The following PARP1 variants were observed in gnomAD, a reference collection of about 807,000 sequenced individuals.
PARP1 encodes poly [ADP-ribose] polymerase 1.
In PARP1, 44 loss-of-function variants were observed where a neutral mutation model predicts 118.7. The observed-to-expected ratio is 0.37, with a 90% CI of 0.29 to 0.48. The LOEUF is 0.48. Ranked by LOEUF, PARP1 falls within the 20% of genes least tolerant of loss-of-function variation. The probability of loss-of-function intolerance (pLI) is 0.99; values close to 1 mark genes in which losing one functional copy is unlikely to be tolerated. For missense variants in PARP1, 1,100 were observed against 1,272.4 expected, an observed-to-expected ratio of 0.86 and a Z score of 2.06; for synonymous variants, 492 against 483.2, an observed-to-expected ratio of 1.02 and a Z score of -0.24.
At chr1:226,397,153 T>TAA (rs3046773) in intron 2 of PARP1, among the ~76,000 whole-genome samples, 3,175 of 126,064 alleles carry the variant, frequency 0.025, 124 homozygotes, top group African/African-American at 0.082. Flanking sequence ...GTCTCTATCT[T>TAA]AAAAAAAAAA....
At chr1:226,397,043 G>A (rs1576402171) in intron 2 of PARP1, among the ~76,000 whole-genome samples, 1 of 151,540 alleles carries the variant, frequency 6.6e-6, no homozygotes, top group Non-Finnish European at 1.5e-5. Context: ...TATAAACCCT[G>A]TGCTTTGGGA....
chr1:226,370,282 T>C (rs113876287), intron 15 of PARP1, 152 bp downstream of exon 15: 8 of 709,886 alleles, frequency 1.1e-5, no homozygotes, highest in African/African-American at 8.7e-5. Flanking sequence ...TGTCATTTAT[T>C]GAACTGAAAA....
At chr1:226,402,186 T>C (rs1366912073) in intron 2 of PARP1, 28 bp downstream of exon 2, 1 of 1,614,210 alleles carries the variant, frequency 6.2e-7, no homozygotes, top group Non-Finnish European at 8.5e-7. Flanking sequence ...GGGGGCTGAA[T>C]GCCCATGCTG....
chr1:226,385,098 A>C (rs993246207), intron 7 of PARP1, among the ~76,000 whole-genome samples: 1 of 152,160 alleles, frequency 6.6e-6, no homozygotes, highest in Non-Finnish European at 1.5e-5. Context: ...AGATACGTGA[A>C]CCCTGGATCC....
chr1:226,389,802 C>T lies in PARP1; in HGVS notation c.617+608G>A, dbSNP rs3219044. On this transcript the variant is annotated intron_variant, in intron 4 of 22. Coordinates refer to ENST00000366794, the MANE Select transcript of PARP1 (RefSeq NM_001618.4). ...GTGCATACCAGGCTCTGCCACACCA[C>T]CCCTGGTGTGCTTGTTAACAAGCAG... is the stretch of plus-strand genomic sequence containing the variant. Among the ~76,000 whole-genome samples, 1,300 of 152,284 alleles carry T rather than the reference C, an allele frequency of 8.5e-3. 22 individuals carry two copies. The highest frequency in any genetic ancestry group is 0.03 in the African/African-American group (1,259 of 41,522).
At chr1:226,385,420 C>A in intron 7 of PARP1, 84 bp downstream of exon 7, 1 of 1,170,096 alleles carries the variant, frequency 8.5e-7, no homozygotes, top group Non-Finnish European at 1.3e-6. Flanking sequence ...CCTGCAATCT[C>A]AGGGACCTGA....
At chr1:226,374,113 G>T in intron 14 of PARP1, 113 bp downstream of exon 14, 4 of 1,240,204 alleles carry the variant, frequency 3.2e-6, no homozygotes, top group Non-Finnish European at 3.5e-6. Context: ...GAAGCTGACA[G>T]CCAATGTATT....
At chr1:226,400,412 C>T (rs748303927) in intron 2 of PARP1, among the ~76,000 whole-genome samples, 2 of 152,110 alleles carry the variant, frequency 1.3e-5, no homozygotes, top group Non-Finnish European at 2.9e-5. Flanking sequence ...CAGCACACAC[C>T]GGGATAACTC....
chr1:226,372,737 C>T (rs1664412658), intron 14 of PARP1, among the ~76,000 whole-genome samples: 1 of 152,168 alleles, frequency 6.6e-6, no homozygotes, highest in Admixed American at 6.5e-5. Flanking sequence ...CAGGAAAGGA[C>T]TTGGGTTTGA....
intron 2 of PARP1, chr1:226,392,574 T>G: frequency 1.8e-6 from 1 of 553,994 alleles, no homozygotes; most frequent in Non-Finnish European, 3.2e-6. Context: ...CTGTCTGACA[T>G]TCCATCTCCT....
rs141963230 is a variant in PARP1, at chr1:226,399,022, A to G, written c.286+3192T>C. 4.6e-3 allele frequency among the ~76,000 whole-genome samples: 697 copies of G among 151,864 alleles called. 27 individuals carry two copies. In the South Asian group the frequency reaches 0.084, roughly 18 times the overall value. On this transcript the variant is annotated intron_variant, in intron 2 of 22. Coordinates refer to ENST00000366794, the MANE Select transcript of PARP1 (RefSeq NM_001618.4). ...GTGGTAATCCAGACAATGGAATATT[A>G]TTCAGTAATAAAAAGAAATGAGCTA... is the stretch of plus-strand genomic sequence containing the variant.
intron 2 of PARP1, chr1:226,401,941 A>C (rs1665045148): frequency 1.4e-6 from 2 of 1,428,766 alleles, no homozygotes; most frequent in Non-Finnish European, 1.8e-6. Context: ...TTCTTTGCTT[A>C]CTTTTGCCAT....
intron 15 of PARP1, among the ~76,000 whole-genome samples, chr1:226,369,350 C>T (rs556640068): frequency 3.9e-4 from 60 of 152,312 alleles, no homozygotes; most frequent in African/African-American, 1.4e-3. Context: ...CAAATATAAG[C>T]GGAACCCTCC....
Position 226,407,915 on chromosome 1 carries a change from C to A in PARP1, c.15G>T (p.Ser5=), listed in dbSNP as rs1220829484. 1 of 1,612,362 alleles carries A rather than the reference C, an allele frequency of 6.2e-7. No individual in the cohort carries two copies. Among genetic ancestry groups the A allele is most frequent in the East Asian group, 2.2e-5 (1 of 44,782 alleles). The part of the protein sequence containing the change: MAES[S]DKLYRVEYAK... ...CGTACTCGACTCGATAGAGCTTATCCGAAGACTCCGCCATCCTCCCCTAGC... is the reference window on the plus strand; with the variant it reads ...CGTACTCGACTCGATAGAGCTTATCAGAAGACTCCGCCATCCTCCCCTAGC... Residue 5 remains serine (S), a synonymous_variant, in exon 1 of 23, where the codon TCG becomes TCT. Coordinates refer to ENST00000366794, the MANE Select transcript of PARP1 (RefSeq NM_001618.4).
chr1:226,382,074 A>G (rs1664620922), intron 8 of PARP1, among the ~76,000 whole-genome samples: 1 of 152,188 alleles, frequency 6.6e-6, no homozygotes, highest in African/African-American at 2.4e-5. Flanking sequence ...CGGGATGACC[A>G]CCAGCACACA....
intron 18 of PARP1, 123 bp downstream of exon 18, chr1:226,365,831 G>A: frequency 1.4e-6 from 1 of 690,010 alleles, no homozygotes; most frequent in South Asian, 1.6e-5. Context: ...GAACAAATGA[G>A]TCACTTCTTT....
At chr1:226,385,391 G>A in intron 7 of PARP1, 113 bp downstream of exon 7, 3 of 850,466 alleles carry the variant, frequency 3.5e-6, no homozygotes, top group Non-Finnish European at 4.0e-6. Context: ...CAGCTGTAAA[G>A]AAGTCTGAGG....
rs150021518 is a variant in PARP1, at chr1:226,385,521, C to A, written c.994G>T (p.Glu332Ter). Residue 332 changes from glutamate to a stop codon, truncating the protein, a stop_gained, in exon 7 of 23, where the codon GAG becomes TAG. Transcript: ENST00000366794. LOFTEE classifies it high-confidence loss of function. ...MVKTQTPNRK[E>*]WVTPKEFREI... is the part of the protein sequence containing the mutation. Reference sequence around the variant, plus strand: ...CCCCTTACCTTTGGGGTTACCCACTCCTTCCGGTTGGGTGTCTGTGTCTTG... The same window carrying A: ...CCCCTTACCTTTGGGGTTACCCACTACTTCCGGTTGGGTGTCTGTGTCTTG... 1 of 1,613,986 alleles carries A rather than the reference C, an allele frequency of 6.2e-7. No homozygotes were observed. The highest frequency in any genetic ancestry group is 8.5e-7 in the Non-Finnish European group (1 of 1,179,996).
intron 7 of PARP1, among the ~76,000 whole-genome samples, chr1:226,384,577 A>C (rs1664681695): frequency 6.6e-6 from 1 of 152,240 alleles, no homozygotes; most frequent in Non-Finnish European, 1.5e-5. Context: ...AAATACAAAT[A>C]CCACGTAAGG....
Sources: gnomAD v4.1 joint callset for allele counts (sites outside exome capture counted in the v4.1 genomes callset) on GRCh38, gnomAD v4.1.1 for gene constraint, MANE v1.5 for transcripts, NCBI Gene and HGNC (gene_info 2026-07-23, HGNC 2026-07-21) for gene names.